The following PTPN14 variants were observed in gnomAD, a reference collection of about 807,000 sequenced individuals.
PTPN14 encodes the protein protein tyrosine phosphatase non-receptor type 14.
A neutral mutation model predicts 126.8 loss-of-function variants in PTPN14; 53 were observed. The observed-to-expected ratio is 0.42, with a 90% CI of 0.34 to 0.53. The LOEUF (loss-of-function observed/expected upper bound fraction) is 0.53, where lower values mean the gene tolerates loss of function less well. PTPN14 is among the 20% of genes least tolerant of loss of function. PTPN14 has a pLI of 0.08. For synonymous variants in PTPN14, 630 were observed against 599.3 expected (o/e 1.05, Z -0.75); for missense variants, 1,257 against 1,552.9 (o/e 0.81, Z 3.20).
intron 2 of PTPN14, among the ~76,000 whole-genome samples, chr1:214,458,754 A>G (rs1660441467): frequency 1.3e-5 from 2 of 152,186 alleles, no homozygotes; most frequent in Admixed American, 6.5e-5. Context: ...AGAATTAGTC[A>G]TAAGGCACCA....
At chr1:214,541,001 G>C (rs1655820649) in intron 1 of PTPN14, among the ~76,000 whole-genome samples, 1 of 151,968 alleles carries the variant, frequency 6.6e-6, no homozygotes, top group South Asian at 2.1e-4. Flanking sequence ...TATTGAACAT[G>C]TACTCTGCAT....
chr1:214,470,330 A>AT (rs1660725819), intron 1 of PTPN14, among the ~76,000 whole-genome samples: 1 of 151,974 alleles, frequency 6.6e-6, no homozygotes, highest in Non-Finnish European at 1.5e-5. Context: ...CTGACTCCTA[A>AT]TTTTTTTCAA....
intron 3 of PTPN14, among the ~76,000 whole-genome samples, chr1:214,417,850 A>C (rs1288023295): frequency 6.6e-6 from 1 of 152,112 alleles, no homozygotes; most frequent in Non-Finnish European, 1.5e-5. Flanking sequence ...CTTCATTCCA[A>C]GTCCAGTTCA....
intron 18 of PTPN14, among the ~76,000 whole-genome samples, chr1:214,360,827 T>C (rs1037751187): frequency 6.6e-6 from 1 of 152,212 alleles, no homozygotes; most frequent in African/African-American, 2.4e-5. Context: ...CACCCAAATC[T>C]CATGTTGACT....
rs558707789 is a variant in PTPN14, at chr1:214,551,222, G to T, written c.-194C>A. ...CCCGTGGCGCCCCGGAGTCCCGCGC[G>T]GAAAGGCTGTCCTTCGCGGCGGCGG... is the stretch of plus-strand genomic sequence containing the variant. On this transcript the variant is annotated 5_prime_UTR_variant, in exon 1 of 19. Transcript: ENST00000366956. The T allele has an allele frequency of 6.6e-6, 1 of 152,394 alleles. No individual in the cohort carries two copies. The highest frequency in any genetic ancestry group is 1.5e-5 in the Non-Finnish European group (1 of 68,152). 9.4% of individuals were successfully genotyped at this position (152,394 alleles called of 1,614,324 possible).
rs116819103 is a variant in PTPN14 at position 214,539,828 on chromosome 1, C to T, written c.-155+11355G>A. On this transcript the variant is annotated intron_variant, in intron 1 of 18. Transcript: ENST00000366956. ...TAAGGATGAAGGGGCACAAAGTACA[C>T]ACTCATACCTAACCTGGCACTCAGA... Among the ~76,000 whole-genome samples the T allele has an allele frequency of 5.1e-3, 777 of 152,160 alleles. 10 individuals carry two copies. The highest frequency in any genetic ancestry group is 0.018 in the African/African-American group (752 of 41,550).
chr1:214,417,963 G>T (rs543271747), intron 3 of PTPN14, among the ~76,000 whole-genome samples: 18 of 152,316 alleles, frequency 1.2e-4, no homozygotes, highest in African/African-American at 3.8e-4. Flanking sequence ...CTCAGCGTAA[G>T]TCACAGGATG....
intron 3 of PTPN14, among the ~76,000 whole-genome samples, chr1:214,440,150 C>G (rs1176961051): frequency 6.6e-6 from 1 of 152,130 alleles, no homozygotes; most frequent in African/African-American, 2.4e-5. Flanking sequence ...ACCTTAAGAG[C>G]CAGGCTTGTC....
At chr1:214,493,922 A>C (rs1661304059) in intron 1 of PTPN14, among the ~76,000 whole-genome samples, 1 of 152,324 alleles carries the variant, frequency 6.6e-6, no homozygotes, top group Non-Finnish European at 1.5e-5. Context: ...AATACAAATA[A>C]GTTTTTTAAA....
Position 214,533,845 on chromosome 1 carries a change from A to C in PTPN14, c.-155+17338T>G, listed in dbSNP as rs558742739. Among the ~76,000 whole-genome samples, 13 of 147,570 alleles carry C rather than the reference A, an allele frequency of 8.8e-5. No individual in the cohort carries two copies. In the South Asian group the frequency reaches 2.8e-3, roughly 31 times the overall value. On this transcript the variant is annotated intron_variant, in intron 1 of 18. Coordinates refer to ENST00000366956, the MANE Select transcript of PTPN14 (RefSeq NM_005401.5). Reference sequence around the variant, plus strand: ...GAGTGAGACTCCGTCTCAAAAAACAAAAAAAAAAAAAAGAGAGAGAAAAAG... The same window carrying C: ...GAGTGAGACTCCGTCTCAAAAAACACAAAAAAAAAAAAGAGAGAGAAAAAG...
Position 214,384,431 on chromosome 1 carries a change from TG to T in PTPN14, c.1423del (p.His475MetfsTer63). The T allele has an allele frequency of 6.2e-7, 1 of 1,614,116 alleles. No individual in the cohort carries two copies. Reference protein sequence around the residue: ...SLRNLNIINTHAYNQPEDLVY... With the variant: ...SLRNLNIINTXAYNQPEDLVY... ...CAGATCCTCTGGCTGGTTGTAGGCA[TG>T]GGTGTTGATAATGTTGAGGTTTCTC... On this transcript the variant is annotated frameshift_variant, in exon 13 of 19. Coordinates refer to ENST00000366956, the MANE Select transcript of PTPN14 (RefSeq NM_005401.5). LOFTEE classifies it high-confidence loss of function. The surrounding 1 kb of genome is among the most constrained non-coding windows in gnomAD (Gnocchi z 5.3).
intron 5 of PTPN14, 106 bp downstream of exon 5, chr1:214,411,578 T>C: frequency 2.4e-6 from 2 of 818,538 alleles, no homozygotes; most frequent in Non-Finnish European, 3.8e-6. Flanking sequence ...CCATCGACTT[T>C]TTCCCCAGGG....
At chr1:214,397,847 T>C (rs1658922146) in intron 8 of PTPN14, 66 bp downstream of exon 8, 20 of 1,332,176 alleles carry the variant, frequency 1.5e-5, no homozygotes, top group Non-Finnish European at 2.0e-5. Flanking sequence ...TGGATGTTAA[T>C]GTAACATTAA....
At chr1:214,517,246 T>C (rs1655126845) in intron 1 of PTPN14, among the ~76,000 whole-genome samples, 2 of 152,134 alleles carry the variant, frequency 1.3e-5, no homozygotes, top group Admixed American at 6.5e-5. Context: ...TACTATAAAA[T>C]TTCCACATAA....
At chr1:214,367,170 A>C (rs534800286) in intron 17 of PTPN14, among the ~76,000 whole-genome samples, 16 of 152,304 alleles carry the variant, frequency 1.1e-4, no homozygotes, top group Admixed American at 1.0e-3. Flanking sequence ...GAAAATTTTA[A>C]TAAGTCAATT....
chr1:214,478,581 A>G (rs1050518760), intron 1 of PTPN14, among the ~76,000 whole-genome samples: 1 of 152,186 alleles, frequency 6.6e-6, no homozygotes, highest in African/African-American at 2.4e-5. Context: ...ATCACCTAAC[A>G]TATGTCCCTC....
At chr1:214,504,336 C>A (rs963711188) in intron 1 of PTPN14, among the ~76,000 whole-genome samples, 1 of 152,078 alleles carries the variant, frequency 6.6e-6, no homozygotes, top group African/African-American at 2.4e-5. Context: ...GGGCAATGGG[C>A]AGCTGCCTCA....
At chr1:214,402,637 G>A (rs1416096837) in intron 6 of PTPN14, among the ~76,000 whole-genome samples, 3 of 48,384 alleles carry the variant, frequency 6.2e-5, no homozygotes, top group Non-Finnish European at 1.4e-4. Context: ...CTCTAAGGAA[G>A]GAAGGAAGGA....
At chr1:214,369,733 A>T in intron 16 of PTPN14, 42 bp from the exon 17 acceptor site, 1 of 1,537,956 alleles carries the variant, frequency 6.5e-7, no homozygotes, top group South Asian at 1.1e-5. Flanking sequence ...AGGTCAAGGG[A>T]AGCTCTCATC....
Sources: gnomAD v4.1 joint callset for allele counts (sites outside exome capture counted in the v4.1 genomes callset) on GRCh38, gnomAD v4.1.1 for gene constraint, Gnocchi (gnomAD v3.1) non-coding constraint, MANE v1.5 for transcripts, NCBI Gene and HGNC (gene_info 2026-07-23, HGNC 2026-07-21) for gene names.